Variants in ASH1L observed in about 807,000 individuals in gnomAD.
ASH1L encodes ASH1 like histone lysine methyltransferase.
Under a neutral mutation model 269.0 loss-of-function variants are expected in ASH1L, and 23 were observed. The observed-to-expected ratio is 0.09, with a 90% CI of 0.06 to 0.12. ASH1L has a LOEUF of 0.12. ASH1L is among the 10% of genes least tolerant of loss of function. The pLI is 1.00. For missense variants in ASH1L, 2,912 were observed against 3,567.8 expected (o/e 0.82, Z 4.68); for synonymous variants, 1,187 against 1,253.5 (o/e 0.95, Z 1.12).
At position 155,405,412 on chromosome 1, in the gene ASH1L, G is replaced by A. The variant is rs549231955; in HGVS notation, c.6009-9859C>T. 1.7e-3 allele frequency among the ~76,000 whole-genome samples: 263 copies of A among 152,154 alleles called. 1 individual carries two copies. The highest frequency in any genetic ancestry group is 6.1e-3 in the African/African-American group (252 of 41,528). ...CACGAGAATCACTTGAACCCAAGAG[G>A]GGGAAGTTGCAGTGAGCCGAGATGA... On this transcript the variant is annotated intron_variant, in intron 6 of 27. Coordinates refer to ENST00000392403, the MANE Select transcript of ASH1L (RefSeq NM_018489.3).
intron 17 of ASH1L, among the ~76,000 whole-genome samples, chr1:155,351,236 C>T (rs1653895726): frequency 7.0e-6 from 1 of 143,190 alleles, no homozygotes; most frequent in South Asian, 2.2e-4. Context: ...CAGAATGAGA[C>T]TCTGTCTCAA....
rs1446840710 is a variant in ASH1L at position 155,434,143 on chromosome 1, T to A, written c.5828+4184A>T. ...CTCTGGCCCCAGGGCCCCATTTTGG[T>A]ACCCCAGGCTATGGGAGCCCTCACT... On this transcript the variant is annotated intron_variant, in intron 5 of 27. Transcript: ENST00000392403. The A allele has an allele frequency of 6.9e-6, 11 of 1,593,288 alleles. No homozygotes were observed. In the East Asian group the frequency reaches 2.3e-4, roughly 33 times the overall value.
At chr1:155,513,382 C>A (rs1668295498) in intron 2 of ASH1L, among the ~76,000 whole-genome samples, 1 of 151,772 alleles carries the variant, frequency 6.6e-6, no homozygotes. Flanking sequence ...TCAGCCTGGG[C>A]AACATGGTGA....
At chr1:155,559,124 C>A (rs894014688) in intron 1 of ASH1L, among the ~76,000 whole-genome samples, 3 of 152,124 alleles carry the variant, frequency 2.0e-5, no homozygotes, top group Non-Finnish European at 4.4e-5. Context: ...CAAGTGAGAG[C>A]CACCATGCCC....
rs536928443 is a variant in ASH1L, at chr1:155,453,353, C to T, written c.5086+6444G>A. On this transcript the variant is annotated intron_variant, in intron 4 of 27. Coordinates refer to ENST00000392403, the MANE Select transcript of ASH1L (RefSeq NM_018489.3). ...CTGGGTGACAGAGCAAGACTCCATC[C>T]CATAAAAAAGAAAAAAATGTGGCTA... Among the ~76,000 whole-genome samples the T allele has an allele frequency of 8.6e-5, 13 of 151,658 alleles. No homozygotes were observed. The South Asian group carries it at 2.7e-3, about 32-fold the overall frequency.
intron 10 of ASH1L, among the ~76,000 whole-genome samples, chr1:155,375,897 G>A (rs921042481): frequency 2.0e-5 from 3 of 151,906 alleles, no homozygotes; most frequent in South Asian, 2.1e-4. Context: ...GTTCAGGACC[G>A]GCCTCGGCTA....
chr1:155,362,608 C>T (rs929291390), intron 12 of ASH1L, among the ~76,000 whole-genome samples: 7 of 152,174 alleles, frequency 4.6e-5, no homozygotes, highest in Admixed American at 4.6e-4. Flanking sequence ...CTTAGGGAAT[C>T]AAGTTTCAAA....
chr1:155,439,633 G>A (rs1662381717), intron 4 of ASH1L, among the ~76,000 whole-genome samples: 1 of 152,052 alleles, frequency 6.6e-6, no homozygotes, highest in South Asian at 2.1e-4. Context: ...CTGGGAGGTC[G>A]AGGCTGCAGT....
chr1:155,497,986 T>C (rs1009847132), intron 2 of ASH1L, among the ~76,000 whole-genome samples: 2 of 151,994 alleles, frequency 1.3e-5, no homozygotes, highest in African/African-American at 4.8e-5. Flanking sequence ...TCTCCTGACC[T>C]TGAGATCCAC....
chr1:155,359,827 C>A (rs1469780955), intron 13 of ASH1L, among the ~76,000 whole-genome samples: 2 of 152,034 alleles, frequency 1.3e-5, no homozygotes, highest in African/African-American at 4.8e-5. Flanking sequence ...AATCCGCTTG[C>A]CTCAGCCTCA....
chr1:155,348,940 A>ACACACACACACACACG (rs1233244057), intron 19 of ASH1L, among the ~76,000 whole-genome samples: 29 of 150,948 alleles, frequency 1.9e-4, no homozygotes, highest in African/African-American at 6.8e-4. Context: ...ACACACACAC[A>ACACACACACACACACG]CACACATATA....
At chr1:155,532,804 C>G (rs1435274799) in intron 1 of ASH1L, among the ~76,000 whole-genome samples, 1 of 136,724 alleles carries the variant, frequency 7.3e-6, no homozygotes, top group African/African-American at 2.8e-5. Context: ...GCCTGGGCAA[C>G]AGAGTGAGAC....
intron 10 of ASH1L, among the ~76,000 whole-genome samples, chr1:155,373,387 A>G (rs900429699): frequency 3.3e-5 from 5 of 151,850 alleles, no homozygotes; most frequent in Admixed American, 3.3e-4. Flanking sequence ...ACCTGGGCTC[A>G]AGCAATTCTC....
At position 155,480,297 on chromosome 1, in the gene ASH1L, T is replaced by C. The variant is rs779812729; in HGVS notation, c.2573A>G (p.Gln858Arg). The C allele has an allele frequency of 6.2e-7, 1 of 1,614,058 alleles. No individual in the cohort carries two copies. Among genetic ancestry groups the C allele is most frequent in the Admixed American group, 1.7e-5 (1 of 60,020 alleles). The change falls in exon 3 of 28, where the codon CAG becomes CGG. Residue 858 changes from glutamine to arginine, a missense_variant. By Grantham distance (43) the Gln-to-Arg change is conservative. Around this residue, in one of 13 missense-constraint regions of ASH1L, gnomAD observed 715 missense variants for 721.0 expected, o/e 0.99. Coordinates refer to ENST00000392403, the MANE Select transcript of ASH1L (RefSeq NM_018489.3). ...TGGGGGTTCTTGTTCTTCCTTAGACTGTAAAGAAAACACTTTAGAAGCAGG... is the reference window on the plus strand; with the variant it reads ...TGGGGGTTCTTGTTCTTCCTTAGACCGTAAAGAAAACACTTTAGAAGCAGG... ...KIPASKVFSLQSKEEQEPPIL... is the reference protein window; with the variant it reads ...KIPASKVFSLRSKEEQEPPIL...
Position 155,448,942 on chromosome 1 carries a change from G to T in ASH1L, c.5087-9874C>A, listed in dbSNP as rs949081946. Reference sequence around the variant, plus strand: ...CCCACAAATTTCTATGTGTGTGTGTGTTTTTTTTTTTAAACGGAGTCTCGC... The same window carrying T: ...CCCACAAATTTCTATGTGTGTGTGTTTTTTTTTTTTTAAACGGAGTCTCGC... On this transcript the variant is annotated intron_variant, in intron 4 of 27. Transcript: ENST00000392403. Among the ~76,000 whole-genome samples the T allele has an allele frequency of 4.2e-4, 60 of 143,390 alleles. 2 individuals carry two copies. The highest frequency in any genetic ancestry group is 1.8e-3 in the East Asian group (9 of 4,990). The allele number at this position is 143,390 out of a possible 152,430, so 94.1% of individuals were successfully genotyped here.
In ASH1L at chr1:155,481,429, A is replaced by C; in HGVS notation, c.1441T>G (p.Phe481Val). The C allele has an allele frequency of 6.2e-7, 1 of 1,614,048 alleles. No individual in the cohort carries two copies. The highest frequency in any genetic ancestry group is 1.3e-5 in the African/African-American group (1 of 75,052). The change falls in exon 3 of 28, where the codon TTC becomes GTC. Residue 481 changes from phenylalanine (F) to valine (V), a missense_variant. Physicochemically the swap from Phe to Val is conservative, Grantham distance 50 (BLOSUM62 -1). This residue lies in a region of ASH1L where 715 missense variants were observed against 721.0 expected (regional missense o/e 0.99). Transcript: ENST00000392403. Reference sequence around the variant, plus strand: ...TTAATGATTTCTTTTCGTACTGAGAACTTTTCCAATATGCTTTCTTTATTC... The same window carrying C: ...TTAATGATTTCTTTTCGTACTGAGACCTTTTCCAATATGCTTTCTTTATTC... ...RQNKESILEK[F>V]SVRKEIINLE...
chr1:155,488,117 C>A (rs1379858260), intron 2 of ASH1L, among the ~76,000 whole-genome samples: 2 of 150,208 alleles, frequency 1.3e-5, no homozygotes, highest in Non-Finnish European at 3.0e-5. Context: ...GAACTCCTGA[C>A]CTCGTGATCC....
chr1:155,442,531 C>T (rs553812695), intron 4 of ASH1L, among the ~76,000 whole-genome samples: 134 of 143,804 alleles, frequency 9.3e-4, no homozygotes, highest in Non-Finnish European at 1.7e-3. Flanking sequence ...TGCAGTGAGC[C>T]GAGATCACGC....
intron 12 of ASH1L, among the ~76,000 whole-genome samples, chr1:155,363,827 G>C (rs1298636152): frequency 6.6e-6 from 1 of 150,668 alleles, no homozygotes; most frequent in Non-Finnish European, 1.5e-5. Context: ...ATAAAAATTA[G>C]CCGGGTGTAG....
Sources: allele counts gnomAD v4.1 joint callset (sites outside exome capture counted in the v4.1 genomes callset), GRCh38; gene constraint gnomAD v4.1.1; regional missense constraint gnomAD v4.1.1; transcripts MANE v1.5; gene names NCBI Gene and HGNC (gene_info 2026-07-23, HGNC 2026-07-21).